Variants in PLEKHM3 observed in about 807,000 individuals in gnomAD.
PLEKHM3 encodes pleckstrin homology domain containing M3.
A neutral mutation model predicts 81.8 loss-of-function variants in PLEKHM3; 45 were observed. The ratio of observed to expected loss-of-function variants is 0.55; its 90% CI spans 0.43 to 0.71. The LOEUF is 0.71. Among genes scored for constraint, PLEKHM3 ranks in the 30% least tolerant of loss-of-function variants. The probability of loss-of-function intolerance (pLI) is 0.00; values close to 1 mark genes in which losing one functional copy is unlikely to be tolerated. For synonymous variants in PLEKHM3, 352 were observed against 356.4 expected (o/e 0.99, Z 0.14); for missense variants, 788 against 924.3 (o/e 0.85, Z 1.91).
At chr2:207,885,947 T>C (rs1199818261) in intron 6 of PLEKHM3, among the ~76,000 whole-genome samples, 1 of 152,174 alleles carries the variant, frequency 6.6e-6, no homozygotes, top group Non-Finnish European at 1.5e-5. Flanking sequence ...TCAAGAATGC[T>C]TAGGCAACTG....
intron 1 of PLEKHM3, among the ~76,000 whole-genome samples, chr2:208,022,456 A>G (rs1259759409): frequency 6.6e-6 from 1 of 152,112 alleles, no homozygotes; most frequent in East Asian, 1.9e-4. Context: ...CTTATCTATT[A>G]ATAGAAACTC....
In PLEKHM3 at chr2:207,884,120, G is replaced by A. The variant is rs1185518176; in HGVS notation, c.1951-22858C>T. Among the ~76,000 whole-genome samples, 10 of 152,056 alleles carry A rather than the reference G, an allele frequency of 6.6e-5. 1 individual carries two copies. Among genetic ancestry groups the A allele is most frequent in the Middle Eastern group, 6.8e-3 (2 of 294 alleles). On this transcript the variant is annotated intron_variant, in intron 6 of 7. Coordinates refer to ENST00000427836, the MANE Select transcript of PLEKHM3 (RefSeq NM_001080475.3). ...TCGAGACCACTCTGGGCAACATAGC[G>A]AGACCCCCGTCCCCACCCCCACCCC...
chr2:208,020,230 G>C (rs774994641), intron 1 of PLEKHM3, among the ~76,000 whole-genome samples: 1 of 152,254 alleles, frequency 6.6e-6, no homozygotes, highest in African/African-American at 2.4e-5. Context: ...CACTAGTCAG[G>C]AGAACTGGAT....
chr2:208,024,007 G>C (rs1482718109), intron 1 of PLEKHM3, among the ~76,000 whole-genome samples: 1 of 152,030 alleles, frequency 6.6e-6, no homozygotes, highest in African/African-American at 2.4e-5. Context: ...GCCAGGCGTG[G>C]TGGCTTGTGC....
intron 6 of PLEKHM3, among the ~76,000 whole-genome samples, chr2:207,878,925 A>ATT (rs1276340999): frequency 6.6e-6 from 1 of 152,008 alleles, no homozygotes; most frequent in Non-Finnish European, 1.5e-5. Context: ...CATGCCCTAT[A>ATT]AAGTCTTCCC....
intron 4 of PLEKHM3, among the ~76,000 whole-genome samples, chr2:207,943,229 G>A (rs1234970350): frequency 6.6e-6 from 1 of 152,052 alleles, no homozygotes; most frequent in East Asian, 1.9e-4. Context: ...TTGAGGTGAT[G>A]GATATCCTGA....
intron 7 of PLEKHM3, among the ~76,000 whole-genome samples, chr2:207,849,132 G>A (rs1042921979): frequency 1.3e-5 from 2 of 152,070 alleles, no homozygotes; most frequent in Non-Finnish European, 2.9e-5. Flanking sequence ...CCAGGAGTTC[G>A]AGACCAGCCT....
chr2:207,899,442 A>G (rs1204177332), intron 6 of PLEKHM3, among the ~76,000 whole-genome samples: 1 of 152,208 alleles, frequency 6.6e-6, no homozygotes, highest in East Asian at 1.9e-4. Flanking sequence ...TCCGTTTCTG[A>G]GAAAATGTGC....
intron 7 of PLEKHM3, among the ~76,000 whole-genome samples, chr2:207,855,154 A>C (rs1183818970): frequency 3.3e-5 from 5 of 152,186 alleles, no homozygotes; most frequent in Non-Finnish European, 7.3e-5. Flanking sequence ...TAGGGCAGGA[A>C]ATAAGTAAGA....
intron 3 of PLEKHM3, among the ~76,000 whole-genome samples, chr2:207,958,331 C>T (rs1416369160): frequency 6.6e-6 from 1 of 150,812 alleles, no homozygotes; most frequent in East Asian, 1.9e-4. Context: ...CACTGCTCAC[C>T]AAGAACTCTT....
intron 6 of PLEKHM3, among the ~76,000 whole-genome samples, chr2:207,873,626 C>T (rs2092545927): frequency 6.6e-6 from 1 of 152,162 alleles, no homozygotes; most frequent in South Asian, 2.1e-4. Flanking sequence ...TTTTTGTTCC[C>T]CTGCCTGCTG....
At chr2:207,922,524 A>G (rs180844117) in intron 5 of PLEKHM3, among the ~76,000 whole-genome samples, 16 of 152,196 alleles carry the variant, frequency 1.1e-4, no homozygotes, top group African/African-American at 3.4e-4. Context: ...AAAACCATCC[A>G]AGCCCTGGCC....
chr2:207,868,874 A>C (rs747651629), intron 6 of PLEKHM3: 3 of 151,954 alleles, frequency 2.0e-5, no homozygotes, highest in Non-Finnish European at 4.4e-5. Flanking sequence ...ATTTCTTCTG[A>C]TATTATCTGT....
intron 3 of PLEKHM3, among the ~76,000 whole-genome samples, chr2:207,956,689 G>T (rs891620913): frequency 1.4e-5 from 2 of 146,546 alleles, no homozygotes; most frequent in Non-Finnish European, 1.5e-5. Flanking sequence ...AAGGTTACAG[G>T]TGCATGCCAC....
chr2:207,843,673 C>T lies in PLEKHM3; in HGVS notation c.2109-15177G>A, dbSNP rs921510120. 1.3e-5 allele frequency among the ~76,000 whole-genome samples: 2 copies of T among 152,184 alleles called. No individual in the cohort carries two copies. The highest frequency in any genetic ancestry group is 2.4e-5 in the African/African-American group (1 of 41,460). On this transcript the variant is annotated intron_variant, in intron 7 of 7. Coordinates refer to ENST00000427836, the MANE Select transcript of PLEKHM3 (RefSeq NM_001080475.3). The surrounding 1 kb of genome is among the most constrained non-coding windows in gnomAD (Gnocchi z 4.4). ...GTCTTCTGCTACCAAGGGAAATTTG[C>T]TTGTCTCTTTGCAATCTAGAATTTG... is the stretch of plus-strand genomic sequence containing the variant.
At chr2:207,860,688 C>G (rs564308097) in intron 7 of PLEKHM3, among the ~76,000 whole-genome samples, 1 of 152,256 alleles carries the variant, frequency 6.6e-6, no homozygotes, top group East Asian at 1.9e-4. Flanking sequence ...GGCCAGGCAG[C>G]AGCTGCTCAC....
At chr2:207,850,405 G>A (rs533923925) in intron 7 of PLEKHM3, among the ~76,000 whole-genome samples, 3 of 152,334 alleles carry the variant, frequency 2.0e-5, no homozygotes, top group African/African-American at 7.2e-5. Flanking sequence ...GTTCTTCATA[G>A]TGAAAAACCT....
chr2:207,860,573 T>C (rs2092462272), intron 7 of PLEKHM3, among the ~76,000 whole-genome samples: 2 of 152,206 alleles, frequency 1.3e-5, no homozygotes, highest in Non-Finnish European at 2.9e-5. Flanking sequence ...AAATATTACT[T>C]TGGTTAGAAA....
intron 4 of PLEKHM3, among the ~76,000 whole-genome samples, chr2:207,945,931 C>T (rs1690111182): frequency 1.3e-5 from 2 of 149,418 alleles, no homozygotes; most frequent in South Asian, 4.2e-4. Context: ...AACAAATGAA[C>T]AAAAACAAAA....
Sources: gnomAD v4.1 joint callset for allele counts (sites outside exome capture counted in the v4.1 genomes callset) on GRCh38, gnomAD v4.1.1 for gene constraint, Gnocchi (gnomAD v3.1) non-coding constraint, MANE v1.5 for transcripts, NCBI Gene and HGNC (gene_info 2026-07-23, HGNC 2026-07-21) for gene names.